Variants in PNISR observed in about 807,000 individuals in gnomAD.
The protein encoded by PNISR is PNN interacting serine and arginine rich protein, also known as arginine/serine-rich protein PNISR.
A neutral mutation model predicts 93.4 loss-of-function variants in PNISR; 20 were observed. The ratio of observed to expected loss-of-function variants is 0.21; its 90% CI spans 0.15 to 0.31. PNISR has a LOEUF of 0.31. Among genes scored for constraint, PNISR ranks in the 10% least tolerant of loss-of-function variants. PNISR has a pLI of 1.00. For synonymous variants in PNISR, 305 were observed against 306.5 expected (o/e 0.99, Z 0.05); for missense variants, 893 against 985.4 (o/e 0.91, Z 1.25).
chr6:99,419,258 C>G (rs34508783), intron 1 of PNISR, among the ~76,000 whole-genome samples: 1 of 149,906 alleles, frequency 6.7e-6, no homozygotes, highest in Admixed American at 6.7e-5. Context: ...GCAATTCCAC[C>G]GCAGGGTCCT....
At chr6:99,412,092 GA>G (rs919861005) in intron 4 of PNISR, 11,002 of 262,166 alleles carry the variant, frequency 0.042, 27 homozygotes, top group South Asian at 0.068. Flanking sequence ...TTCACTATCT[GA>G]AAAAAAAAAA....
chr6:99,409,377 A>G (rs1582798712), intron 5 of PNISR, 33 bp from the exon 6 acceptor site: 1 of 1,593,454 alleles, frequency 6.3e-7, no homozygotes, highest in Non-Finnish European at 8.6e-7. Context: ...TTTTTCTTCA[A>G]ATTAATACAA....
At chr6:99,416,825 G>A (rs1399156070) in intron 1 of PNISR, among the ~76,000 whole-genome samples, 1 of 152,134 alleles carries the variant, frequency 6.6e-6, no homozygotes, top group Non-Finnish European at 1.5e-5. Context: ...TCTATGTTTA[G>A]AAATTAACAT....
Position 99,405,921 on chromosome 6 carries a change from A to C in PNISR, c.1002+110T>G, listed in dbSNP as rs140454299. ...AGTTAAAAGGAGTATCTCTTCAATT[A>C]ATAATACTGGTCAGCAGTTCTAGTT... is the stretch of plus-strand genomic sequence containing the variant. On this transcript the variant is annotated intron_variant, in intron 8 of 11. Transcript: ENST00000369239. 673 of 624,534 alleles carry C rather than the reference A, an allele frequency of 1.1e-3. 9 individuals are homozygous for C. The East Asian group carries it at 0.011, about 10-fold the overall frequency. The allele number at this position is 624,534 out of a possible 1,614,324, so 38.7% of individuals were successfully genotyped here. A position where few individuals can be genotyped will look rare whatever the true frequency, so the allele number is the denominator to read the frequency against.
intron 9 of PNISR, chr6:99,404,400 T>A (rs1419843243): frequency 1.7e-6 from 1 of 571,474 alleles, no homozygotes; most frequent in African/African-American, 1.9e-5. Context: ...ATTGCTAATT[T>A]GTACTCATGT....
intron 7 of PNISR, among the ~76,000 whole-genome samples, 172 bp downstream of exon 7, chr6:99,407,909 T>C (rs1776360079): frequency 6.6e-6 from 1 of 152,258 alleles, no homozygotes; most frequent in Non-Finnish European, 1.5e-5. Flanking sequence ...ATTTTCTCCT[T>C]ACTGTATCTT....
intron 1 of PNISR, among the ~76,000 whole-genome samples, chr6:99,420,924 CATA>C (rs1309919927): frequency 1.3e-5 from 2 of 152,142 alleles, no homozygotes; most frequent in African/African-American, 4.8e-5. Flanking sequence ...TTAAATTCTC[CATA>C]ATGTTTTGTC....
At chr6:99,409,597 T>C (rs1246394247) in intron 5 of PNISR, 1 of 328,532 alleles carries the variant, frequency 3.0e-6, no homozygotes, top group Non-Finnish European at 5.6e-6. Flanking sequence ...GTATATGAAA[T>C]TTTTCATTCT....
chr6:99,402,818 A>C, intron 10 of PNISR, 108 bp from the exon 11 acceptor site: 1 of 787,666 alleles, frequency 1.3e-6, no homozygotes, highest in South Asian at 2.7e-5. Context: ...GCCTTTTCCC[A>C]GAAGAATACG....
chr6:99,410,398 T>C (rs1478075626), intron 5 of PNISR: 1 of 214,782 alleles, frequency 4.7e-6, no homozygotes, highest in Non-Finnish European at 9.3e-6. Flanking sequence ...AACCATGAGC[T>C]ATATTCAATT....
chr6:99,400,902 G>A lies in PNISR; in HGVS notation c.2056C>T (p.Arg686Cys), dbSNP rs147317191. 7,126 of 1,566,036 alleles carry A rather than the reference G, an allele frequency of 4.6e-3. 21 individuals are homozygous for A. Among genetic ancestry groups the A allele is most frequent in the Non-Finnish European group, 5.6e-3 (6,406 of 1,140,174 alleles). ...TTCTCTTTTCTTTTATCCTGTTCAC[G>A]TTCCCTTTCTTTGTCTTTCTTTTTC... ...DRKKKDKERE[R>C]EQDKRKEKQK... Residue 686 changes from arginine to cysteine, a missense_variant, in exon 12 of 12, where the codon CGT becomes TGT. Arg to Cys is a radical substitution (Grantham distance 180). Coordinates refer to ENST00000369239, the MANE Select transcript of PNISR (RefSeq NM_032870.4).
At chr6:99,404,916 C>T (rs1347083398) in intron 8 of PNISR, among the ~76,000 whole-genome samples, 2 of 151,894 alleles carry the variant, frequency 1.3e-5, no homozygotes, top group Admixed American at 6.6e-5. Flanking sequence ...GTGGCTGGAA[C>T]TACAGGCGTG....
At chr6:99,403,786 A>AT (rs764688735) in intron 10 of PNISR, 43 bp downstream of exon 10, 1 of 1,456,734 alleles carries the variant, frequency 6.9e-7, no homozygotes, top group African/African-American at 1.4e-5. Flanking sequence ...TGTATGTGTG[A>AT]TTTTTCCCTT....
rs1775654263 is a variant in PNISR, at chr6:99,402,624, ATTC to A, written c.1240_1242del (p.Glu414del). On this transcript the variant is annotated inframe_deletion, in exon 11 of 12. Coordinates refer to ENST00000369239, the MANE Select transcript of PNISR (RefSeq NM_032870.4). The stretch of plus-strand genomic sequence containing the variant: ...TGTTTTTGCCGGATTCGATGCCGTA[ATTC>A]TTCATCATCAGTGTCAGATGACTCA... 2 of 1,613,542 alleles carry A rather than the reference ATTC, an allele frequency of 1.2e-6. No individual in the cohort carries two copies. Among genetic ancestry groups the A allele is most frequent in the African/African-American group, 1.3e-5 (1 of 74,868 alleles).
At position 99,400,727 on chromosome 6, in the gene PNISR, G is replaced by C. The variant is rs1430595417; in HGVS notation, c.2231C>G (p.Thr744Ser). The C allele has an allele frequency of 6.2e-7, 1 of 1,612,368 alleles. No individual in the cohort carries two copies. Among genetic ancestry groups the C allele is most frequent in the Non-Finnish European group, 8.5e-7 (1 of 1,179,454 alleles). ...HDSRQDSKKSTTKDSKKHSGS... is the reference protein window; with the variant it reads ...HDSRQDSKKSSTKDSKKHSGS... ...TGAATGTTTTTTACTATCTTTGGTA[G>C]TACTTTTCTTACTATCCTGTCTAGA... The change falls in exon 12 of 12, where the codon ACT (threonine) becomes AGT (serine). Residue 744 changes from threonine (T) to serine (S), a missense_variant. Coordinates refer to ENST00000369239, the MANE Select transcript of PNISR (RefSeq NM_032870.4).
In PNISR at chr6:99,416,341, A is replaced by C; in HGVS notation, c.-32+8T>G. 9.7e-7 allele frequency: 1 copy of C among 1,028,196 alleles called. No homozygotes were observed. The highest frequency in any genetic ancestry group is 4.3e-5 in the Admixed American group (1 of 23,456). The allele number at this position is 1,028,196 out of a possible 1,614,324, so 63.7% of individuals were successfully genotyped here. ...CAAGAAGACACACCAACTGCTATTT[A>C]AACTGACCTCAGAGGTTCACCTTCT... On this transcript the variant is annotated splice_region_variant and intron_variant, in intron 2 of 11. Coordinates refer to ENST00000369239, the MANE Select transcript of PNISR (RefSeq NM_032870.4).
intron 3 of PNISR, 118 bp downstream of exon 3, chr6:99,414,454 G>C (rs1441926664): frequency 2.1e-6 from 1 of 469,788 alleles, no homozygotes; most frequent in Non-Finnish European, 3.8e-6. Context: ...ATTAAATTCT[G>C]ACCATAAAAT....
intron 8 of PNISR, 35 bp downstream of exon 8, chr6:99,405,996 A>G: frequency 6.7e-7 from 1 of 1,488,436 alleles, no homozygotes; most frequent in East Asian, 2.4e-5. Flanking sequence ...AAACGAAATA[A>G]ATCCATGTAC....
rs896432685 is a variant in PNISR, at chr6:99,412,660, T to C, written c.168A>G (p.Gln56=). 1.1e-5 allele frequency: 18 copies of C among 1,612,678 alleles called. No homozygotes were observed. The highest frequency in any genetic ancestry group is 1.5e-5 in the Non-Finnish European group (18 of 1,179,222). The change falls in exon 4 of 12, where the codon CAA becomes CAG. Residue 56 remains glutamine, a synonymous_variant. Transcript: ENST00000369239. ...EASGQQSMVE[Q]PPGMMPNGQD... ...GTCCATTTGGCATCATTCCTGGTGG[T>C]TGTTCTACCATGCTTTGCTGTCCTG...
Sources: allele counts gnomAD v4.1 joint callset (sites outside exome capture counted in the v4.1 genomes callset), GRCh38; gene constraint gnomAD v4.1.1; transcripts MANE v1.5; gene names NCBI Gene and HGNC (gene_info 2026-07-23, HGNC 2026-07-21).